The following PIEZO2 variants were observed in gnomAD, a reference collection of about 807,000 sequenced individuals.
PIEZO2 encodes the protein piezo-type mechanosensitive ion channel component 2.
PIEZO2 carries 172 observed loss-of-function variants against 337.3 expected under a neutral mutation model. The ratio of observed to expected loss-of-function variants is 0.51; its 90% CI spans 0.45 to 0.58. The LOEUF is 0.58. Among genes scored for constraint, PIEZO2 ranks in the 20% least tolerant of loss-of-function variants. The probability of loss-of-function intolerance (pLI) is 0.00; values close to 1 mark genes in which losing one functional copy is unlikely to be tolerated. For missense variants in PIEZO2, 3,028 were observed against 3,391.3 expected (o/e 0.89, Z 2.66); for synonymous variants, 1,251 against 1,228.5 (o/e 1.02, Z -0.38).
intron 1 of PIEZO2, among the ~76,000 whole-genome samples, chr18:11,095,939 ATAAAT>A (rs2039250664): frequency 2.6e-5 from 4 of 152,242 alleles, no homozygotes; most frequent in Admixed American, 2.0e-4. Context: ...GGAGAAGACT[ATAAAT>A]TAAATTCAGA....
rs1008061969 is a variant in PIEZO2 at position 10,894,920 on chromosome 18, C to G, written c.329+16266G>C. Reference sequence around the variant, plus strand: ...CCGTATAGATTCGCTGCCAGCAGCTCGGGATACCTGCCACCACTAACATTT... The same window carrying G: ...CCGTATAGATTCGCTGCCAGCAGCTGGGGATACCTGCCACCACTAACATTT... On this transcript the variant is annotated intron_variant, in intron 4 of 55. Coordinates refer to ENST00000674853, the MANE Select transcript of PIEZO2 (RefSeq NM_001378183.1). The surrounding 1 kb of genome is among the most constrained non-coding windows in gnomAD (Gnocchi z 4.1). 1.3e-5 allele frequency: 2 copies of G among 152,216 alleles called. No individual in the cohort carries two copies. The highest frequency in any genetic ancestry group is 2.9e-5 in the Non-Finnish European group (2 of 68,050). The allele number at this position is 152,216 out of a possible 1,614,324, so 9.4% of individuals were successfully genotyped here. A position where few individuals can be genotyped will look rare whatever the true frequency, so the allele number is the denominator to read the frequency against.
At chr18:11,079,394 C>A (rs534210664) in intron 1 of PIEZO2, among the ~76,000 whole-genome samples, 9 of 152,314 alleles carry the variant, frequency 5.9e-5, no homozygotes, top group African/African-American at 1.9e-4. Flanking sequence ...ACTTGGCAAA[C>A]TTTTACTGGG....
chr18:11,020,137 T>C (rs957199645), intron 2 of PIEZO2, among the ~76,000 whole-genome samples: 17 of 152,298 alleles, frequency 1.1e-4, no homozygotes, highest in African/African-American at 2.6e-4. Flanking sequence ...AAAAAAATAG[T>C]CACACAATTC....
chr18:10,675,476 T>C (rs752149054), intron 53 of PIEZO2, among the ~76,000 whole-genome samples, 188 bp from the exon 54 acceptor site: 5 of 152,144 alleles, frequency 3.3e-5, no homozygotes, highest in Non-Finnish European at 5.9e-5. Flanking sequence ...ATGGAGCAAA[T>C]TCACTGAGCT....
intron 2 of PIEZO2, among the ~76,000 whole-genome samples, chr18:11,053,450 C>T (rs1305218085): frequency 1.3e-5 from 2 of 152,286 alleles, no homozygotes; most frequent in South Asian, 2.1e-4. Context: ...ATAATAACAA[C>T]AGCCCACTTA....
chr18:10,694,412 T>C (rs7234687), intron 47 of PIEZO2, among the ~76,000 whole-genome samples: 54,705 of 152,074 alleles, frequency 0.36, 9,860 homozygotes, highest in Non-Finnish European at 0.38. Flanking sequence ...TCCCAAATGA[T>C]ATTAGCCTGC....
chr18:10,931,721 A>C (rs112491160), intron 3 of PIEZO2, among the ~76,000 whole-genome samples: 32 of 147,432 alleles, frequency 2.2e-4, no homozygotes, highest in South Asian at 4.3e-4. Flanking sequence ...TGTGAGAGAG[A>C]GAGAGAGAGA....
At chr18:11,088,054 T>G (rs996555036) in intron 1 of PIEZO2, among the ~76,000 whole-genome samples, 1 of 152,248 alleles carries the variant, frequency 6.6e-6, no homozygotes, top group Admixed American at 6.5e-5. Context: ...GGCACTTCCT[T>G]GTCTCTGCTC....
At chr18:11,004,375 A>C (rs141009662) in intron 2 of PIEZO2, among the ~76,000 whole-genome samples, 1,527 of 152,304 alleles carry the variant, frequency 0.01, 17 homozygotes, top group Non-Finnish European at 0.016. Context: ...CTCAGACTGA[A>C]TTGCTGCCCC....
chr18:11,025,514 G>C (rs2036507351), intron 2 of PIEZO2, among the ~76,000 whole-genome samples: 1 of 152,104 alleles, frequency 6.6e-6, no homozygotes, highest in Admixed American at 6.5e-5. Flanking sequence ...GGGCTTCAAA[G>C]GGCCCGGTGC....
At chr18:11,059,849 G>C (rs542447003) in intron 2 of PIEZO2, among the ~76,000 whole-genome samples, 2 of 152,122 alleles carry the variant, frequency 1.3e-5, no homozygotes, top group Non-Finnish European at 2.9e-5. Context: ...ACAGATCAAT[G>C]AGACAGAAAG....
chr18:10,798,276 T>A (rs1363535519), intron 11 of PIEZO2, among the ~76,000 whole-genome samples: 1 of 152,258 alleles, frequency 6.6e-6, no homozygotes, highest in African/African-American at 2.4e-5. Context: ...CTGCCCTTTC[T>A]GCCTTTCTTG....
In PIEZO2 at chr18:10,670,439, T is replaced by C. The variant is rs1441652249; in HGVS notation, c.*1088A>G. ...AATGAAGAGGTTGTATTACCAATAA[T>C]AATAATTTAAGAAAAGGCCATTTTT... is the stretch of plus-strand genomic sequence containing the variant. On this transcript the variant is annotated 3_prime_UTR_variant, in exon 56 of 56. Coordinates refer to ENST00000674853, the MANE Select transcript of PIEZO2 (RefSeq NM_001378183.1). 1 of 152,208 alleles carries C rather than the reference T, an allele frequency of 6.6e-6. No homozygotes were observed. The highest frequency in any genetic ancestry group is 6.5e-5 in the Admixed American group (1 of 15,278). The allele number at this position is 152,208 out of a possible 1,614,324, so 9.4% of individuals were successfully genotyped here. A position where few individuals can be genotyped will look rare whatever the true frequency, so the allele number is the denominator to read the frequency against.
At chr18:10,842,148 C>CAAAAA (rs34809564) in intron 7 of PIEZO2, among the ~76,000 whole-genome samples, 1 of 70,338 alleles carries the variant, frequency 1.4e-5, no homozygotes, top group Non-Finnish European at 2.9e-5. Flanking sequence ...GACTCCGTCT[C>CAAAAA]AAAAAAAAAA....
At chr18:10,923,374 T>C (rs767585543) in intron 3 of PIEZO2, among the ~76,000 whole-genome samples, 3 of 152,172 alleles carry the variant, frequency 2.0e-5, no homozygotes, top group Non-Finnish European at 2.9e-5. Context: ...AAAGTGAGAA[T>C]TGTTATAATT....
intron 51 of PIEZO2, among the ~76,000 whole-genome samples, chr18:10,681,450 A>G (rs3748429): frequency 1.3e-5 from 2 of 152,160 alleles, no homozygotes; most frequent in Non-Finnish European, 2.9e-5. Flanking sequence ...TCAATATTTA[A>G]ATGTTTATTA....
At chr18:11,073,655 T>C (rs1478148049) in intron 1 of PIEZO2, among the ~76,000 whole-genome samples, 15 of 152,172 alleles carry the variant, frequency 9.9e-5, no homozygotes, top group Admixed American at 9.8e-4. Flanking sequence ...TTTGAAATCA[T>C]CCCATTTGAC....
chr18:11,096,305 A>T lies in PIEZO2; in HGVS notation c.65-30083T>A, dbSNP rs2039262596. On this transcript the variant is annotated intron_variant, in intron 1 of 55. Coordinates refer to ENST00000674853, the MANE Select transcript of PIEZO2 (RefSeq NM_001378183.1). This position sits in a 1 kb window ranked among gnomAD's most constrained non-coding sequence, Gnocchi z 4.6. Reference sequence around the variant, plus strand: ...CAAGCATTAGGGGCCATGTCCTGCTACCAAATACCATTTCATTGGCTTCTG... The same window carrying T: ...CAAGCATTAGGGGCCATGTCCTGCTTCCAAATACCATTTCATTGGCTTCTG... 6.6e-6 allele frequency among the ~76,000 whole-genome samples: 1 copy of T among 152,240 alleles called. No individual in the cohort carries two copies.
intron 7 of PIEZO2, among the ~76,000 whole-genome samples, chr18:10,818,154 A>T (rs901481596): frequency 2.0e-5 from 3 of 152,158 alleles, no homozygotes; most frequent in African/African-American, 7.2e-5. Context: ...ACCCTTAAAG[A>T]AGTAGTCATA....
Sources: gnomAD v4.1 joint callset for allele counts (sites outside exome capture counted in the v4.1 genomes callset) on GRCh38, gnomAD v4.1.1 for gene constraint, Gnocchi (gnomAD v3.1) non-coding constraint, MANE v1.5 for transcripts, NCBI Gene and HGNC (gene_info 2026-07-23, HGNC 2026-07-21) for gene names.